Variants in CFAP299 observed in about 807,000 individuals in gnomAD.
CFAP299 encodes the protein cilia and flagella associated protein 299.
Under a neutral mutation model 27.0 loss-of-function variants are expected in CFAP299, and 21 were observed. The ratio of observed to expected loss-of-function variants is 0.78; its 90% CI spans 0.55 to 1.12. The LOEUF is 1.12. CFAP299 is among the 50% of genes most tolerant of loss of function. The pLI is 0.00. For missense variants in CFAP299, 310 were observed against 276.6 expected (o/e 1.12, Z -0.86); for synonymous variants, 104 against 98.1 (o/e 1.06, Z -0.36).
intron 5 of CFAP299, among the ~76,000 whole-genome samples, chr4:80,956,495 A>C (rs1738075573): frequency 6.6e-6 from 1 of 152,126 alleles, no homozygotes; most frequent in Admixed American, 6.5e-5. Context: ...CCAGTGGCAC[A>C]ATCATAAACT....
chr4:80,440,931 G>T (rs577955261), intron 2 of CFAP299, among the ~76,000 whole-genome samples: 1 of 152,090 alleles, frequency 6.6e-6, no homozygotes, highest in African/African-American at 2.4e-5. Context: ...ATCAATAGCC[G>T]AATCAATCAA....
At position 80,387,028 on chromosome 4, in the gene CFAP299, G is replaced by A. The variant is rs568981940; in HGVS notation, c.242+24144G>A. On this transcript the variant is annotated intron_variant, in intron 2 of 5. Coordinates refer to ENST00000358105, the MANE Select transcript of CFAP299 (RefSeq NM_152770.3). ...GTTGGCAGATGACGCTGCAGGTAGC[G>A]TTCACAAGGAAACACCTTCTAGCAG... 6.1e-6 allele frequency: 8 copies of A among 1,302,842 alleles called. No individual in the cohort carries two copies. The East Asian group carries it at 1.6e-4, about 26-fold the overall frequency. 80.7% of individuals were successfully genotyped at this position (1,302,842 alleles called of 1,614,324 possible).
chr4:80,949,706 A>T (rs994227184), intron 5 of CFAP299, among the ~76,000 whole-genome samples: 1 of 152,130 alleles, frequency 6.6e-6, no homozygotes, highest in African/African-American at 2.4e-5. Flanking sequence ...ACAAGGGAAA[A>T]CCCAAATAGT....
rs913194854 is a variant in CFAP299, at chr4:80,943,815, T to A, written c.477-995T>A. Among the ~76,000 whole-genome samples, 4 of 152,084 alleles carry A rather than the reference T, an allele frequency of 2.6e-5. No homozygotes were observed. In the East Asian group the frequency reaches 5.8e-4, roughly 22 times the overall value. ...TGGGCATAGTGGCTCACGCCTGTAATCCCAACACTTTGGGAGGCCAAGGTG... is the reference window on the plus strand; with the variant it reads ...TGGGCATAGTGGCTCACGCCTGTAAACCCAACACTTTGGGAGGCCAAGGTG... On this transcript the variant is annotated intron_variant, in intron 4 of 5. Coordinates refer to ENST00000358105, the MANE Select transcript of CFAP299 (RefSeq NM_152770.3).
chr4:80,644,012 A>G (rs1488033035), intron 3 of CFAP299, among the ~76,000 whole-genome samples: 2 of 152,194 alleles, frequency 1.3e-5, no homozygotes, highest in Non-Finnish European at 2.9e-5. Context: ...ATGTCTATCA[A>G]TAGCAAAGTA....
At chr4:80,838,134 T>A (rs756983458) in intron 3 of CFAP299, among the ~76,000 whole-genome samples, 1 of 152,224 alleles carries the variant, frequency 6.6e-6, no homozygotes, top group Non-Finnish European at 1.5e-5. Flanking sequence ...GTAAATTTGT[T>A]TAAGTTCCTT....
intron 3 of CFAP299, among the ~76,000 whole-genome samples, chr4:80,601,195 T>G (rs1004070708): frequency 1.3e-5 from 2 of 152,178 alleles, no homozygotes; most frequent in Non-Finnish European, 2.9e-5. Flanking sequence ...CACATCTTTG[T>G]TATCTAAGAT....
chr4:80,386,384 C>G, intron 2 of CFAP299: 1 of 1,526,758 alleles, frequency 6.5e-7, no homozygotes. Flanking sequence ...CCGGGACGGC[C>G]TCGGGCACCA....
chr4:80,810,189 T>C (rs1729073764), intron 3 of CFAP299, among the ~76,000 whole-genome samples: 1 of 152,066 alleles, frequency 6.6e-6, no homozygotes, highest in Non-Finnish European at 1.5e-5. Context: ...TAATTATTTT[T>C]TGAATTTCTG....
At chr4:80,391,845 A>G (rs1412899797) in intron 2 of CFAP299, among the ~76,000 whole-genome samples, 2 of 152,158 alleles carry the variant, frequency 1.3e-5, no homozygotes, top group African/African-American at 4.8e-5. Context: ...GACATGCCAC[A>G]GACACTCAAT....
At chr4:80,399,877 G>T (rs1362448899) in intron 2 of CFAP299, among the ~76,000 whole-genome samples, 1 of 152,140 alleles carries the variant, frequency 6.6e-6, no homozygotes, top group Non-Finnish European at 1.5e-5. Flanking sequence ...ATTTTCAAAT[G>T]TAGACTTATT....
chr4:80,470,439 G>T (rs1239591914), intron 2 of CFAP299, among the ~76,000 whole-genome samples: 1 of 147,616 alleles, frequency 6.8e-6, no homozygotes, highest in Non-Finnish European at 1.5e-5. Flanking sequence ...AATTCATGTT[G>T]TCATTACAAA....
chr4:80,596,781 A>G (rs1560646465), intron 3 of CFAP299, among the ~76,000 whole-genome samples: 1 of 152,122 alleles, frequency 6.6e-6, no homozygotes, highest in Admixed American at 6.5e-5. Flanking sequence ...GATAATCCTT[A>G]TTCTGATTTC....
Position 80,954,975 on chromosome 4 carries a change from G to C in CFAP299, c.607-8542G>C, listed in dbSNP as rs563955070. On this transcript the variant is annotated intron_variant, in intron 5 of 5. Transcript: ENST00000358105. ...AGATTGCGCCACTGCACTCCAGCCT[G>C]GGTGACAGAGCAAGACTCCATCAAA... Among the ~76,000 whole-genome samples the C allele has an allele frequency of 6.5e-5, 8 of 122,682 alleles. No homozygotes were observed. In the East Asian group the frequency reaches 2.1e-3, roughly 33 times the overall value. 80.5% of individuals were successfully genotyped at this position (122,682 alleles called of 152,430 possible). A position where few individuals can be genotyped will look rare whatever the true frequency, so the allele number is the denominator to read the frequency against.
At chr4:80,428,159 TG>T (rs1246445540) in intron 2 of CFAP299, among the ~76,000 whole-genome samples, 1 of 152,222 alleles carries the variant, frequency 6.6e-6, no homozygotes, top group Admixed American at 6.5e-5. Context: ...CCCCTGTTTT[TG>T]TTACCTCTTT....
chr4:80,543,528 A>G (rs1411167472), intron 2 of CFAP299, among the ~76,000 whole-genome samples: 2 of 152,268 alleles, frequency 1.3e-5, no homozygotes, highest in Non-Finnish European at 2.9e-5. Context: ...TAGGGAAATT[A>G]GAAATTTGAC....
intron 2 of CFAP299, among the ~76,000 whole-genome samples, chr4:80,525,179 G>A (rs542762562): frequency 2.6e-5 from 4 of 152,168 alleles, no homozygotes; most frequent in Admixed American, 6.5e-5. Flanking sequence ...CATGAAGGGC[G>A]TGACATCCCA....
In CFAP299 at chr4:80,882,735, CTT is replaced by C. The variant is rs745801417; in HGVS notation, c.476+12602_476+12603del. On this transcript the variant is annotated intron_variant, in intron 4 of 5. Coordinates refer to ENST00000358105, the MANE Select transcript of CFAP299 (RefSeq NM_152770.3). ...CTATAAGTATACCTCTCAGCAGAAA[CTT>C]TGTAGCACAGAAGAAAATGAGATAA... 1.2e-3 allele frequency among the ~76,000 whole-genome samples: 180 copies of C among 151,404 alleles called. 2 individuals are homozygous for C. Among genetic ancestry groups the C allele is most frequent in the Non-Finnish European group, 1.7e-3 (116 of 67,858 alleles).
rs188140397 is a variant in CFAP299, at chr4:80,473,387, G to A, written c.243-109706G>A. On this transcript the variant is annotated intron_variant, in intron 2 of 5. Transcript: ENST00000358105. The stretch of plus-strand genomic sequence containing the variant: ...CCAGTATCATTATTCCTTCCCAAGT[G>A]GTCCTGAAGTTTAATTTTAACTTTT... Among the ~76,000 whole-genome samples the A allele has an allele frequency of 2.8e-3, 428 of 152,000 alleles. 1 individual carries two copies. Among genetic ancestry groups the A allele is most frequent in the Non-Finnish European group, 4.6e-3 (316 of 67,976 alleles).
Sources: allele counts gnomAD v4.1 joint callset (sites outside exome capture counted in the v4.1 genomes callset), GRCh38; gene constraint gnomAD v4.1.1; transcripts MANE v1.5; gene names NCBI Gene and HGNC (gene_info 2026-07-23, HGNC 2026-07-21).